The following KCNH8 variants were observed in gnomAD, a reference collection of about 807,000 sequenced individuals.
The protein encoded by KCNH8 is voltage-gated delayed rectifier potassium channel KCNH8.
Under a neutral mutation model 103.6 loss-of-function variants are expected in KCNH8, and 70 were observed. The observed-to-expected ratio is 0.68, with a 90% CI of 0.56 to 0.82. The LOEUF (loss-of-function observed/expected upper bound fraction) is 0.82. KCNH8 is among the 40% of genes least tolerant of loss of function. KCNH8 has a pLI of 0.00. For synonymous variants in KCNH8, 498 were observed against 489.4 expected, an observed-to-expected ratio of 1.02 and a Z score of -0.23; for missense variants, 1,217 against 1,329.9, an observed-to-expected ratio of 0.92 and a Z score of 1.32.
chr3:19,448,933 C>T lies in KCNH8; in HGVS notation c.1376-1173C>T, dbSNP rs17005976. On this transcript the variant is annotated intron_variant, in intron 8 of 15. Transcript: ENST00000328405. ...GACCCTCATCTTTCTCTCAGTTTCA[C>T]AGTTCCAGGTGTGTCCAAGGCCTTC... 22,101 of 1,271,418 alleles carry T rather than the reference C, an allele frequency of 0.017. 823 individuals carry two copies. In the East Asian group the frequency reaches 0.22, roughly 13 times the overall value. 78.8% of individuals were successfully genotyped at this position (1,271,418 alleles called of 1,614,324 possible).
chr3:19,410,878 C>CAAAAAAA (rs4021206), intron 7 of KCNH8, among the ~76,000 whole-genome samples: 1 of 63,368 alleles, frequency 1.6e-5, no homozygotes, highest in African/African-American at 4.9e-5. Flanking sequence ...GCCTACCAAG[C>CAAAAAAA]AAAAAAAAAA....
Position 19,269,340 on chromosome 3 carries a change from A to G in KCNH8, c.311-11858A>G, listed in dbSNP as rs561392656. Among the ~76,000 whole-genome samples, 6 of 152,168 alleles carry G rather than the reference A, an allele frequency of 3.9e-5. No homozygotes were observed. In the South Asian group the frequency reaches 1.0e-3, roughly 26 times the overall value. ...CCCCCAAATTATCTTTTGAAACATC[A>G]TGTTCCACTATTTTTAAAAAAATAC... On this transcript the variant is annotated intron_variant, in intron 2 of 15. Transcript: ENST00000328405.
At chr3:19,460,594 A>G (rs1271302624) in intron 11 of KCNH8, among the ~76,000 whole-genome samples, 1 of 152,184 alleles carries the variant, frequency 6.6e-6, no homozygotes, top group African/African-American at 2.4e-5. Flanking sequence ...GCCTGCAGAA[A>G]AACTCCTAGC....
chr3:19,426,987 C>T (rs559683768), intron 7 of KCNH8, among the ~76,000 whole-genome samples: 8 of 152,064 alleles, frequency 5.3e-5, no homozygotes, highest in Admixed American at 2.0e-4. Flanking sequence ...TAAAATGTCT[C>T]ATCTCATATA....
chr3:19,175,945 T>C (rs11925180), intron 1 of KCNH8, among the ~76,000 whole-genome samples: 11,738 of 152,216 alleles, frequency 0.077, 1,524 homozygotes, highest in African/African-American at 0.26. Context: ...TTTTCCTCAA[T>C]TAATAAATTT....
rs2069220053 is a variant in KCNH8 at position 19,533,955 on chromosome 3, G to A, written c.3180G>A (p.Val1060=). 6.2e-7 allele frequency: 1 copy of A among 1,614,060 alleles called. No individual in the cohort carries two copies. The highest frequency in any genetic ancestry group is 8.5e-7 in the Non-Finnish European group (1 of 1,179,948). The change falls in exon 16 of 16, where the codon GTG becomes GTA. Residue 1060 remains valine (V), a synonymous_variant. Coordinates refer to ENST00000328405, the MANE Select transcript of KCNH8 (RefSeq NM_144633.3). ...AGGGCAGCTTCAGTCAGGGAACTGT[G>A]AGTTCCTTCAGTCTGGAAAACTTAC... ...SEEGSFSQGT[V]SSFSLENLPG...
chr3:19,453,420 C>T (rs1014232192), intron 10 of KCNH8, among the ~76,000 whole-genome samples: 1 of 152,096 alleles, frequency 6.6e-6, no homozygotes, highest in Non-Finnish European at 1.5e-5. Context: ...GGCTACTAAG[C>T]TTCAAAATAG....
rs911589276 is a variant in KCNH8, at chr3:19,450,501, G to A, written c.1575+196G>A. The A allele has an allele frequency of 2.2e-5, 13 of 581,574 alleles. No homozygotes were observed. In the Admixed American group the frequency reaches 2.7e-4, roughly 12 times the overall value. The allele number at this position is 581,574 out of a possible 1,614,324, so 36.0% of individuals were successfully genotyped here. On this transcript the variant is annotated intron_variant, in intron 9 of 15. Transcript: ENST00000328405. ...TGTTTTCACAATGCCAATTTGGATT[G>A]ACCGAAGTTTTATATTAACTTGCTG... is the stretch of plus-strand genomic sequence containing the variant.
intron 5 of KCNH8, among the ~76,000 whole-genome samples, chr3:19,362,775 C>G (rs889429291): frequency 3.9e-5 from 6 of 152,162 alleles, no homozygotes; most frequent in Non-Finnish European, 5.9e-5. Context: ...GCTCCTACCT[C>G]AGCCTCCCAA....
intron 11 of KCNH8, among the ~76,000 whole-genome samples, chr3:19,489,252 T>G (rs2068271249): frequency 6.6e-6 from 1 of 151,998 alleles, no homozygotes; most frequent in African/African-American, 2.4e-5. Flanking sequence ...GTATTCCTGG[T>G]ACCAATTCCT....
intron 1 of KCNH8, among the ~76,000 whole-genome samples, chr3:19,247,713 A>G (rs1196423584): frequency 6.6e-6 from 1 of 152,208 alleles, no homozygotes; most frequent in Non-Finnish European, 1.5e-5. Context: ...TGAACTATAA[A>G]TGTCTCAATT....
At chr3:19,465,436 GCTCA>G (rs2125196074) in intron 11 of KCNH8, among the ~76,000 whole-genome samples, 1 of 152,176 alleles carries the variant, frequency 6.6e-6, no homozygotes, top group South Asian at 2.1e-4. Context: ...AAATATTACT[GCTCA>G]TTCATTGACA....
chr3:19,285,572 T>C (rs768746017), intron 3 of KCNH8, among the ~76,000 whole-genome samples: 16 of 152,232 alleles, frequency 1.1e-4, no homozygotes, highest in Admixed American at 2.6e-4. Flanking sequence ...CTAGCTCTTA[T>C]TGAGTCTCTG....
At chr3:19,489,577 A>G (rs2068277416) in intron 11 of KCNH8, among the ~76,000 whole-genome samples, 1 of 152,196 alleles carries the variant, frequency 6.6e-6, no homozygotes, top group East Asian at 1.9e-4. Flanking sequence ...TATCTCACAC[A>G]AAGTTCTAAG....
chr3:19,198,157 C>G (rs1287348591), intron 1 of KCNH8, among the ~76,000 whole-genome samples: 2 of 151,956 alleles, frequency 1.3e-5, no homozygotes, highest in African/African-American at 4.8e-5. Context: ...TCATAATGGA[C>G]AAATAACCAT....
At chr3:19,298,406 A>G (rs2065021985) in intron 3 of KCNH8, among the ~76,000 whole-genome samples, 1 of 152,260 alleles carries the variant, frequency 6.6e-6, no homozygotes, top group Non-Finnish European at 1.5e-5. Flanking sequence ...GGGTTAACTC[A>G]TAAATACAAA....
chr3:19,507,511 C>T (rs1171409431), intron 11 of KCNH8, among the ~76,000 whole-genome samples: 2 of 152,090 alleles, frequency 1.3e-5, no homozygotes, highest in Non-Finnish European at 2.9e-5. Context: ...TTTGTTCCAT[C>T]CCCAGCCCCA....
At chr3:19,329,827 T>C (rs1431438147) in intron 3 of KCNH8, among the ~76,000 whole-genome samples, 1 of 152,062 alleles carries the variant, frequency 6.6e-6, no homozygotes, top group Non-Finnish European at 1.5e-5. Context: ...CAAGATCAAA[T>C]TATGGAATAC....
Position 19,294,881 on chromosome 3 carries a change from C to T in KCNH8, c.442+13552C>T, listed in dbSNP as rs542770814. ...TATCTGCAGCCAGTCAAAATACTCT[C>T]GTGGATTGCATTCGTTCTGATGGTG... On this transcript the variant is annotated intron_variant, in intron 3 of 15. Coordinates refer to ENST00000328405, the MANE Select transcript of KCNH8 (RefSeq NM_144633.3). Among the ~76,000 whole-genome samples, 143 of 152,278 alleles carry T rather than the reference C, an allele frequency of 9.4e-4. 1 individual carries two copies. The highest frequency in any genetic ancestry group is 3.4e-3 in the Middle Eastern group (1 of 294).
Sources: gnomAD v4.1 joint callset for allele counts (sites outside exome capture counted in the v4.1 genomes callset) on GRCh38, gnomAD v4.1.1 for gene constraint, MANE v1.5 for transcripts, NCBI Gene and HGNC (gene_info 2026-07-23, HGNC 2026-07-21) for gene names.